The following LUZP2 variants were observed in gnomAD, a reference collection of about 807,000 sequenced individuals.
The protein encoded by LUZP2 is leucine zipper protein 2.
LUZP2 carries 52 observed loss-of-function variants against 51.6 expected under a neutral mutation model. That is an observed-to-expected ratio of 1.01 (90% CI 0.81 to 1.27). The LOEUF (loss-of-function observed/expected upper bound fraction) is 1.27. Ranked by LOEUF, LUZP2 falls within the 50% of genes most tolerant of loss-of-function variation. LUZP2 has a pLI of 0.00. For missense variants in LUZP2, 436 were observed against 395.4 expected (o/e 1.10, Z -0.87); for synonymous variants, 154 against 137.3 (o/e 1.12, Z -0.85).
At position 24,608,873 on chromosome 11, in the gene LUZP2, T is replaced by A. The variant is rs551817009; in HGVS notation, c.62+111568T>A. Reference sequence around the variant, plus strand: ...GCAAGTGGTCAAACTTCTTTCAGATTTTCATTTTTCAAATATATATATACA... The same window carrying A: ...GCAAGTGGTCAAACTTCTTTCAGATATTCATTTTTCAAATATATATATACA... On this transcript the variant is annotated intron_variant, in intron 1 of 11. Transcript: ENST00000336930. 2.1e-3 allele frequency among the ~76,000 whole-genome samples: 325 copies of A among 151,910 alleles called. 1 individual carries two copies. The highest frequency in any genetic ancestry group is 3.6e-3 in the Non-Finnish European group (247 of 68,016).
intron 5 of LUZP2, chr11:24,786,054 G>T: frequency 1.0e-6 from 1 of 985,214 alleles, no homozygotes; most frequent in Non-Finnish European, 1.2e-6. Context: ...ACTCATCTTT[G>T]CTGGTGGGCA....
chr11:24,713,277 G>A (rs1194100775), intron 1 of LUZP2, among the ~76,000 whole-genome samples: 1 of 151,958 alleles, frequency 6.6e-6, no homozygotes, highest in Non-Finnish European at 1.5e-5. Flanking sequence ...CTTGTGGGCA[G>A]GTATTGAAAA....
rs559469074 is a variant in LUZP2 at position 24,778,989 on chromosome 11, T to G, written c.396+15681T>G. Among the ~76,000 whole-genome samples the G allele has an allele frequency of 3.3e-5, 5 of 152,318 alleles. No individual in the cohort carries two copies. In the East Asian group the frequency reaches 9.7e-4, roughly 29 times the overall value. ...CAAACAGGTGACTCTAAAATGTGTT[T>G]GGATTTGCCTAGAGATTTTCTGAGC... On this transcript the variant is annotated intron_variant, in intron 5 of 11. Coordinates refer to ENST00000336930, the MANE Select transcript of LUZP2 (RefSeq NM_001009909.4).
At chr11:25,050,218 AACTAT>A in intron 10 of LUZP2, 88 bp downstream of exon 10, 1 of 568,844 alleles carries the variant, frequency 1.8e-6, no homozygotes, top group Non-Finnish European at 3.0e-6. Flanking sequence ...GCCACCATGA[AACTAT>A]TTATATGTAA....
chr11:24,796,254 A>G (rs925786818), intron 5 of LUZP2, among the ~76,000 whole-genome samples: 1 of 151,996 alleles, frequency 6.6e-6, no homozygotes, highest in Non-Finnish European at 1.5e-5. Context: ...ATTCTTCTGA[A>G]ATCACATGGG....
At chr11:25,022,788 T>C (rs911505466) in intron 9 of LUZP2, among the ~76,000 whole-genome samples, 1 of 152,152 alleles carries the variant, frequency 6.6e-6, no homozygotes, top group African/African-American at 2.4e-5. Context: ...TATGGGTTTG[T>C]CATAAATAGC....
chr11:24,840,571 C>A (rs965914607), intron 5 of LUZP2, among the ~76,000 whole-genome samples: 1 of 151,886 alleles, frequency 6.6e-6, no homozygotes, highest in Non-Finnish European at 1.5e-5. Flanking sequence ...TATGTATACT[C>A]AGCCCTCTGC....
At chr11:25,072,622 A>G (rs138534429) in intron 10 of LUZP2, among the ~76,000 whole-genome samples, 6 of 152,120 alleles carry the variant, frequency 3.9e-5, no homozygotes, top group Non-Finnish European at 8.8e-5. Flanking sequence ...GATCTTAGCT[A>G]TAGTTGCAGT....
chr11:24,686,409 T>C (rs1024986462), intron 1 of LUZP2, among the ~76,000 whole-genome samples: 1 of 152,186 alleles, frequency 6.6e-6, no homozygotes, highest in African/African-American at 2.4e-5. Flanking sequence ...GATACTTCCA[T>C]GCCAGTAATA....
At chr11:25,040,078 AAC>A (rs1857998493) in intron 9 of LUZP2, among the ~76,000 whole-genome samples, 1 of 152,184 alleles carries the variant, frequency 6.6e-6, no homozygotes, top group South Asian at 2.1e-4. Context: ...ATATAAAACC[AAC>A]AGAAATTTCT....
chr11:24,765,780 C>T (rs1183115318), intron 5 of LUZP2, among the ~76,000 whole-genome samples: 1 of 151,892 alleles, frequency 6.6e-6, no homozygotes, highest in Non-Finnish European at 1.5e-5. Context: ...ATGCCCGCCA[C>T]CACGCCTGGC....
At chr11:24,786,514 T>A (rs551054891) in intron 5 of LUZP2, 1 of 853,280 alleles carries the variant, frequency 1.2e-6, no homozygotes, top group African/African-American at 1.9e-5. Context: ...ATAAAATATG[T>A]GTATATTTGT....
rs1406898611 is a variant in LUZP2 at position 25,080,311 on chromosome 11, T to C, written c.*1653T>C. On this transcript the variant is annotated 3_prime_UTR_variant, in exon 12 of 12. Transcript: ENST00000336930. ...GCCCAACTGTAGGATGAGGTATATG[T>C]TCTGAGCACGTTTAAGCAGGTTTAA... 1 of 152,194 alleles carries C rather than the reference T, an allele frequency of 6.6e-6. No homozygotes were observed. Among genetic ancestry groups the C allele is most frequent in the Admixed American group, 6.5e-5 (1 of 15,276 alleles). 9.4% of individuals were successfully genotyped at this position (152,194 alleles called of 1,614,324 possible).
At chr11:24,788,742 A>G (rs1849321478) in intron 5 of LUZP2, among the ~76,000 whole-genome samples, 1 of 152,136 alleles carries the variant, frequency 6.6e-6, no homozygotes. Flanking sequence ...GGCAAGCTGG[A>G]GACCCAGAGA....
At chr11:24,595,040 G>A (rs979115693) in intron 1 of LUZP2, among the ~76,000 whole-genome samples, 10 of 151,780 alleles carry the variant, frequency 6.6e-5, no homozygotes, top group East Asian at 1.9e-4. Context: ...GATTACAGGC[G>A]TAAGCCACCA....
intron 2 of LUZP2, 151 bp from the exon 3 acceptor site, chr11:24,731,967 A>T: frequency 1.9e-6 from 1 of 529,964 alleles, no homozygotes; most frequent in Non-Finnish European, 3.3e-6. Flanking sequence ...TTCTGTTTAC[A>T]TCCTTGGAGC....
At chr11:24,682,610 GTATGTGTATATATATA>G (rs1410560431) in intron 1 of LUZP2, among the ~76,000 whole-genome samples, 2 of 99,758 alleles carry the variant, frequency 2.0e-5, no homozygotes, top group Non-Finnish European at 4.3e-5. Flanking sequence ...ATATATATGT[GTATGTGTATATATATA>G]TATACACATA....
chr11:24,832,048 A>G (rs2716497), intron 5 of LUZP2: 23,858 of 152,514 alleles, frequency 0.16, 2,063 homozygotes, highest in African/African-American at 0.22. Flanking sequence ...ATTAATTAAT[A>G]AATTCAAGAG....
intron 1 of LUZP2, among the ~76,000 whole-genome samples, chr11:24,685,443 C>T (rs1412367112): frequency 6.6e-6 from 1 of 152,146 alleles, no homozygotes; most frequent in African/African-American, 2.4e-5. Flanking sequence ...ACACAGCACA[C>T]TGAAATGTTA....
Sources: allele counts gnomAD v4.1 joint callset (sites outside exome capture counted in the v4.1 genomes callset), GRCh38; gene constraint gnomAD v4.1.1; transcripts MANE v1.5; gene names NCBI Gene and HGNC (gene_info 2026-07-23, HGNC 2026-07-21).